LIN52: variants seen among roughly 807,000 people sequenced by gnomAD.
LIN52 encodes protein lin-52 homolog.
Under a neutral mutation model 18.5 loss-of-function variants are expected in LIN52, and 4 were observed. The ratio of observed to expected loss-of-function variants is 0.22; its 90% CI spans 0.11 to 0.49. The LOEUF is 0.49. Among genes scored for constraint, LIN52 ranks in the 20% least tolerant of loss-of-function variants. LIN52 has a pLI of 0.97. For missense variants in LIN52, 102 were observed against 139.5 expected (o/e 0.73, Z 1.35); for synonymous variants, 34 against 45.5 (o/e 0.75, Z 1.02).
At chr14:74,157,955 C>G (rs2061206764) in intron 5 of LIN52, among the ~76,000 whole-genome samples, 2 of 152,174 alleles carry the variant, frequency 1.3e-5, no homozygotes, top group South Asian at 4.1e-4. Context: ...GTTCACAATT[C>G]TTTCTTTCAA....
At chr14:74,111,344 G>A (rs1446839400) in intron 5 of LIN52, among the ~76,000 whole-genome samples, 3 of 151,884 alleles carry the variant, frequency 2.0e-5, no homozygotes, top group African/African-American at 4.8e-5. Flanking sequence ...GCTAGAGTGC[G>A]GTGGTGCAGT....
intron 1 of LIN52, among the ~76,000 whole-genome samples, chr14:74,089,462 G>A (rs2060757569): frequency 6.6e-6 from 1 of 151,308 alleles, no homozygotes; most frequent in African/African-American, 2.4e-5. Flanking sequence ...GCCACCTCTG[G>A]GCTCAAGCCA....
intron 4 of LIN52, among the ~76,000 whole-genome samples, chr14:74,098,564 T>C (rs1375660328): frequency 1.3e-5 from 2 of 151,554 alleles, no homozygotes; most frequent in Non-Finnish European, 1.5e-5. Context: ...TTTTTTTTTT[T>C]CAGACGGAGT....
Position 74,199,028 on chromosome 14 carries a change from C to A in LIN52, c.*51C>A. On this transcript the variant is annotated 3_prime_UTR_variant, in exon 6 of 6. Transcript: ENST00000555028. ...GGGGTCCGAAACCAAGCTCCCTTCC[C>A]GGTGCACCTCTAACAATGCACACCT... The A allele has an allele frequency of 7.7e-7, 1 of 1,293,956 alleles. No homozygotes were observed. The highest frequency in any genetic ancestry group is 1.1e-6 in the Non-Finnish European group (1 of 891,000). The allele number at this position is 1,293,956 out of a possible 1,614,324, so 80.2% of individuals were successfully genotyped here.
intron 5 of LIN52, among the ~76,000 whole-genome samples, chr14:74,150,577 A>G (rs1417866903): frequency 6.6e-6 from 1 of 152,192 alleles, no homozygotes; most frequent in Non-Finnish European, 1.5e-5. Flanking sequence ...CAGTGGTGGT[A>G]ATGATTCTCT....
intron 5 of LIN52, among the ~76,000 whole-genome samples, chr14:74,156,047 G>A (rs2061197795): frequency 6.6e-6 from 1 of 152,142 alleles, no homozygotes; most frequent in South Asian, 2.1e-4. Context: ...AGACTGTACA[G>A]CCAAGCAAGA....
chr14:74,120,928 C>A (rs1239771430), intron 5 of LIN52, among the ~76,000 whole-genome samples: 2 of 151,568 alleles, frequency 1.3e-5, no homozygotes, highest in Admixed American at 1.3e-4. Flanking sequence ...AAAAAAGTTT[C>A]AAGCCAGGCT....
At chr14:74,159,731 C>A (rs1742610835) in intron 5 of LIN52, among the ~76,000 whole-genome samples, 1 of 152,030 alleles carries the variant, frequency 6.6e-6, no homozygotes, top group South Asian at 2.1e-4. Flanking sequence ...GCCTCCACGC[C>A]CAGTTAATTT....
intron 5 of LIN52, among the ~76,000 whole-genome samples, chr14:74,128,770 C>T (rs1038210256): frequency 6.6e-6 from 1 of 152,044 alleles, no homozygotes; most frequent in Non-Finnish European, 1.5e-5. Flanking sequence ...GGTAAAACCT[C>T]GTCTCTACTA....
At chr14:74,188,384 A>G (rs1326786097) in intron 5 of LIN52, among the ~76,000 whole-genome samples, 1 of 152,056 alleles carries the variant, frequency 6.6e-6, no homozygotes, top group African/African-American at 2.4e-5. Flanking sequence ...AAGACATTTG[A>G]TGTATCTTGG....
intron 5 of LIN52, among the ~76,000 whole-genome samples, chr14:74,124,865 G>C (rs1271468606): frequency 6.7e-6 from 1 of 149,544 alleles, no homozygotes; most frequent in Non-Finnish European, 1.5e-5. Flanking sequence ...AAGTGACCAT[G>C]GGTTTAGATA....
In LIN52 at chr14:74,109,414, C is replaced by T. The variant is rs142742745; in HGVS notation, c.283+8176C>T. Among the ~76,000 whole-genome samples the T allele has an allele frequency of 3.6e-3, 548 of 152,284 alleles. 4 individuals carry two copies. The highest frequency in any genetic ancestry group is 0.024 in the Middle Eastern group (7 of 294). On this transcript the variant is annotated intron_variant, in intron 5 of 5. Coordinates refer to ENST00000555028, the MANE Select transcript of LIN52 (RefSeq NM_001024674.3). Reference sequence around the variant, plus strand: ...CTGGGAGGTTGAGGCTTCAGTGAACCATGATCACACCTCTGCACTCCAGCC... The same window carrying T: ...CTGGGAGGTTGAGGCTTCAGTGAACTATGATCACACCTCTGCACTCCAGCC...
chr14:74,189,979 A>G (rs2061356511), intron 5 of LIN52, among the ~76,000 whole-genome samples: 4 of 152,300 alleles, frequency 2.6e-5, no homozygotes, highest in Non-Finnish European at 5.9e-5. Flanking sequence ...ATATAAAATT[A>G]TCTTTCTCAG....
At chr14:74,130,278 G>GTTTTTTTTTTTGTTTTTTTTTT (rs2061055285) in intron 5 of LIN52, among the ~76,000 whole-genome samples, 80 of 64,828 alleles carry the variant, frequency 1.2e-3, no homozygotes, top group East Asian at 2.7e-3. Context: ...GCATTTTTTG[G>GTTTTTTTTTTTGTTTTTTTTTT]TTTTTTTTTT....
intron 5 of LIN52, among the ~76,000 whole-genome samples, chr14:74,130,608 T>C (rs1435354217): frequency 1.4e-5 from 2 of 142,130 alleles, no homozygotes; most frequent in African/African-American, 2.6e-5. Flanking sequence ...TTTTTTTTTT[T>C]TTTTGAGACG....
At chr14:74,198,177 C>T (rs1348109153) in intron 5 of LIN52, among the ~76,000 whole-genome samples, 4 of 152,204 alleles carry the variant, frequency 2.6e-5, no homozygotes, top group African/African-American at 9.6e-5. Context: ...AATGGGAGAC[C>T]TCTGGAGTAG....
chr14:74,135,994 T>C (rs895517485), intron 5 of LIN52, among the ~76,000 whole-genome samples: 10 of 152,218 alleles, frequency 6.6e-5, no homozygotes, highest in Non-Finnish European at 1.5e-4. Flanking sequence ...CCTTTTCTTT[T>C]TCAGTCCATG....
intron 5 of LIN52, among the ~76,000 whole-genome samples, chr14:74,157,199 A>G (rs1350430647): frequency 6.6e-6 from 1 of 151,212 alleles, no homozygotes; most frequent in Non-Finnish European, 1.5e-5. Flanking sequence ...CACCCAGCTA[A>G]TTTTTGTATT....
intron 5 of LIN52, among the ~76,000 whole-genome samples, chr14:74,130,180 A>G (rs935378000): frequency 1.3e-5 from 2 of 151,956 alleles, no homozygotes; most frequent in Non-Finnish European, 2.9e-5. Context: ...TTGGATGTGA[A>G]CAAAGAGCCA....
Sources: allele counts gnomAD v4.1 joint callset (sites outside exome capture counted in the v4.1 genomes callset), GRCh38; gene constraint gnomAD v4.1.1; transcripts MANE v1.5; gene names NCBI Gene and HGNC (gene_info 2026-07-23, HGNC 2026-07-21).